The following LRRIQ1 variants were observed in gnomAD, a reference collection of about 807,000 sequenced individuals.
The protein encoded by LRRIQ1 is leucine-rich repeat- and IQ domain-containing protein 1.
Under a neutral mutation model 211.9 loss-of-function variants are expected in LRRIQ1, and 210 were observed. That is an observed-to-expected ratio of 0.99 (90% confidence interval 0.89 to 1.11). LRRIQ1 has a LOEUF of 1.11. Ranked by LOEUF, LRRIQ1 falls within the 50% of genes most tolerant of loss-of-function variation. The pLI is 0.00. For synonymous variants in LRRIQ1, 699 were observed against 650.1 expected (o/e 1.08, Z -1.14); for missense variants, 2,136 against 1,939.5 (o/e 1.10, Z -1.90).
intron 13 of LRRIQ1, among the ~76,000 whole-genome samples, chr12:85,100,187 A>G (rs981127854): frequency 2.0e-5 from 3 of 151,866 alleles, no homozygotes; most frequent in Admixed American, 6.6e-5. Context: ...ATTAATAAGC[A>G]TAAAATATTT....
intron 24 of LRRIQ1, among the ~76,000 whole-genome samples, chr12:85,227,522 T>G (rs890592678): frequency 6.6e-6 from 1 of 151,814 alleles, no homozygotes; most frequent in African/African-American, 2.4e-5. Context: ...ATGGGGTTGT[T>G]TGATTTTTTC....
Position 85,055,694 on chromosome 12 carries a change from C to T in LRRIQ1, c.901C>T (p.Gln301Ter). 1 of 1,606,878 alleles carries T rather than the reference C, an allele frequency of 6.2e-7. No individual in the cohort carries two copies. Among genetic ancestry groups the T allele is most frequent in the Non-Finnish European group, 8.5e-7 (1 of 1,177,536 alleles). ...QAKYKAFVAY[Q>*]KYGPIIKEQI... Reference sequence around the variant, plus strand: ...TAAATATAAAGCATTTGTTGCCTATCAAAAATATGGCCCAATTATTAAAGA... The same window carrying T: ...TAAATATAAAGCATTTGTTGCCTATTAAAAATATGGCCCAATTATTAAAGA... Residue 301 changes from glutamine to a stop codon, truncating the protein, a stop_gained, in exon 8 of 27, where the codon CAA becomes TAA. Transcript: ENST00000393217. LOFTEE classifies it high-confidence loss of function.
At chr12:85,238,709 T>A (rs1895315345) in intron 26 of LRRIQ1, among the ~76,000 whole-genome samples, 1 of 152,082 alleles carries the variant, frequency 6.6e-6, no homozygotes. Flanking sequence ...GTGGTAAAAA[T>A]TCATAGAAAA....
chr12:85,088,738 C>G (rs1885086688), intron 11 of LRRIQ1, among the ~76,000 whole-genome samples: 1 of 151,880 alleles, frequency 6.6e-6, no homozygotes, highest in South Asian at 2.1e-4. Context: ...TGATTTGGCT[C>G]TCTGTCTGTT....
At position 85,160,939 on chromosome 12, in the gene LRRIQ1, A is replaced by C. The variant is rs142272183; in HGVS notation, c.4822+225A>C. On this transcript the variant is annotated intron_variant, in intron 24 of 26. Coordinates refer to ENST00000393217, the MANE Select transcript of LRRIQ1 (RefSeq NM_001079910.2). Reference sequence around the variant, plus strand: ...GAAAATTTGTATCAATGTTTACATAAATTTTAATTTTTTTATTTATATATG... The same window carrying C: ...GAAAATTTGTATCAATGTTTACATACATTTTAATTTTTTTATTTATATATG... Among the ~76,000 whole-genome samples, 976 of 152,130 alleles carry C rather than the reference A, an allele frequency of 6.4e-3. 7 individuals are homozygous for C. The highest frequency in any genetic ancestry group is 0.022 in the African/African-American group (907 of 41,540).
Position 85,065,379 on chromosome 12 carries a change from A to G in LRRIQ1, c.2509A>G (p.Ser837Gly). The stretch of plus-strand genomic sequence containing the variant: ...TGGATTAACTTCTTTGCACAGCCTG[A>G]GTAATTGTAAAAAACTTAAGTACAT... ...RCGLTSLHSL[S>G]NCKKLKYIDA... Residue 837 changes from serine to glycine, a missense_variant, in exon 9 of 27, where the codon AGT (serine) becomes GGT (glycine). Transcript: ENST00000393217. The G allele has an allele frequency of 6.2e-7, 1 of 1,610,054 alleles. No individual in the cohort carries two copies. The highest frequency in any genetic ancestry group is 8.5e-7 in the Non-Finnish European group (1 of 1,177,504).
rs563907784 is a variant in LRRIQ1, at chr12:85,131,528, G to T, written c.4209+3495G>T. ...AGTAGGACTCAATGTAGATAGGTAA[G>T]AGATAGGAATTCCAGGTATAAAGGA... On this transcript the variant is annotated intron_variant, in intron 18 of 26. Transcript: ENST00000393217. Among the ~76,000 whole-genome samples, 4 of 152,270 alleles carry T rather than the reference G, an allele frequency of 2.6e-5. No homozygotes were observed. The South Asian group carries it at 8.3e-4, about 32-fold the overall frequency.
At chr12:85,196,560 AAAAC>A (rs1368041033) in intron 24 of LRRIQ1, among the ~76,000 whole-genome samples, 2 of 152,242 alleles carry the variant, frequency 1.3e-5, no homozygotes, top group East Asian at 1.9e-4. Context: ...AAACCTGAGA[AAAAC>A]AAGCAATGGG....
chr12:85,116,884 CTT>C (rs1204649640), intron 15 of LRRIQ1, among the ~76,000 whole-genome samples: 9 of 142,102 alleles, frequency 6.3e-5, no homozygotes, highest in Non-Finnish European at 7.7e-5. Flanking sequence ...TGATCTCGTT[CTT>C]TTTTTTTTTT....
At chr12:85,169,063 C>T (rs1425082885) in intron 24 of LRRIQ1, among the ~76,000 whole-genome samples, 1 of 152,144 alleles carries the variant, frequency 6.6e-6, no homozygotes, top group Non-Finnish European at 1.5e-5. Flanking sequence ...TGTTGCTTAT[C>T]ATTTATCATT....
chr12:85,246,935 C>A (rs1438653150), downstream of LRRIQ1, among the ~76,000 whole-genome samples: 1 of 151,328 alleles, frequency 6.6e-6, no homozygotes, highest in Non-Finnish European at 1.5e-5. Flanking sequence ...AGGACTTAAT[C>A]TTTAAAATAG....
At chr12:85,201,160 AT>A (rs1221042930) in intron 24 of LRRIQ1, among the ~76,000 whole-genome samples, 1 of 150,372 alleles carries the variant, frequency 6.7e-6, no homozygotes, top group Non-Finnish European at 1.5e-5. Flanking sequence ...GTGCTGCTAG[AT>A]TTAGTTTGCT....
Position 85,153,035 on chromosome 12 carries a change from C to T in LRRIQ1, c.4431C>T (p.Asn1477=), listed in dbSNP as rs1406307120. Residue 1477 remains asparagine (N), a synonymous_variant, in exon 21 of 27, where the codon AAC becomes AAT. Transcript: ENST00000393217. ...TTTTTTGTGAAAAGATTCCTGGAAACTTAAAATGGGATGATACTTCATTTA... is the reference window on the plus strand; with the variant it reads ...TTTTTTGTGAAAAGATTCCTGGAAATTTAAAATGGGATGATACTTCATTTA... ...NQLHWPKIPG[N]LKWDDTSFNL... 1 of 1,552,302 alleles carries T rather than the reference C, an allele frequency of 6.4e-7. No homozygotes were observed. The highest frequency in any genetic ancestry group is 1.8e-5 in the Admixed American group (1 of 54,236).
intron 6 of LRRIQ1, chr12:85,047,671 A>C: frequency 2.1e-6 from 1 of 481,820 alleles, no homozygotes; most frequent in Non-Finnish European, 3.7e-6. Context: ...GGAAGGTCAG[A>C]CACACTTCTG....
At chr12:85,260,377 A>C (rs1896250221) in intron 1 of LRRIQ1, among the ~76,000 whole-genome samples, 1 of 152,090 alleles carries the variant, frequency 6.6e-6, no homozygotes, top group South Asian at 2.1e-4. Flanking sequence ...TTTTATCAAG[A>C]ATATTAACTA....
intron 24 of LRRIQ1, among the ~76,000 whole-genome samples, chr12:85,183,418 T>A (rs1318405022): frequency 6.6e-6 from 1 of 152,130 alleles, no homozygotes; most frequent in Non-Finnish European, 1.5e-5. Flanking sequence ...CAATAATGAT[T>A]GTGAACTCCA....
intron 18 of LRRIQ1, among the ~76,000 whole-genome samples, chr12:85,128,333 C>T (rs1888527166): frequency 7.2e-5 from 11 of 152,182 alleles, no homozygotes; most frequent in Admixed American, 7.2e-4. Context: ...GATGTGGTGG[C>T]TCAAGCCTGT....
intron 24 of LRRIQ1, among the ~76,000 whole-genome samples, chr12:85,168,386 C>T (rs1467612099): frequency 6.6e-6 from 1 of 152,152 alleles, no homozygotes; most frequent in Non-Finnish European, 1.5e-5. Flanking sequence ...CCAATCACCC[C>T]AGCCAACACT....
chr12:85,075,861 A>AC (rs1170791665), intron 11 of LRRIQ1, among the ~76,000 whole-genome samples: 1 of 151,954 alleles, frequency 6.6e-6, no homozygotes, highest in African/African-American at 2.4e-5. Context: ...TCAAAAACAA[A>AC]AAAAAAAATT....
Sources: allele counts gnomAD v4.1 joint callset (sites outside exome capture counted in the v4.1 genomes callset), GRCh38; gene constraint gnomAD v4.1.1; transcripts MANE v1.5; gene names NCBI Gene and HGNC (gene_info 2026-07-23, HGNC 2026-07-21).